TMEM117: variants seen among roughly 807,000 people sequenced by gnomAD.
TMEM117 encodes transmembrane protein 117.
In TMEM117, 27 loss-of-function variants were observed where a neutral mutation model predicts 52.4. That is an observed-to-expected ratio of 0.51 (90% CI 0.38 to 0.71). TMEM117 has a LOEUF of 0.71. Ranked by LOEUF, TMEM117 falls within the 30% of genes least tolerant of loss-of-function variation. The probability of loss-of-function intolerance (pLI) is 0.00; values close to 1 mark genes in which losing one functional copy is unlikely to be tolerated. For synonymous variants in TMEM117, 215 were observed against 206.3 expected, an observed-to-expected ratio of 1.04 and a Z score of -0.36; for missense variants, 556 against 630.5, an observed-to-expected ratio of 0.88 and a Z score of 1.26.
chr12:43,923,676 GT>G (rs1400056460), intron 2 of TMEM117, among the ~76,000 whole-genome samples: 2 of 152,114 alleles, frequency 1.3e-5, no homozygotes, highest in Non-Finnish European at 2.9e-5. Context: ...ATTTGGTTAA[GT>G]AAAAATATAT....
intron 2 of TMEM117, among the ~76,000 whole-genome samples, chr12:43,879,682 A>G (rs1943862499): frequency 6.6e-6 from 1 of 152,160 alleles, no homozygotes; most frequent in Admixed American, 6.5e-5. Flanking sequence ...TATTTCATCA[A>G]TGTACATTGT....
intron 3 of TMEM117, among the ~76,000 whole-genome samples, chr12:43,950,723 AT>A (rs1316822856): frequency 4.0e-5 from 6 of 151,838 alleles, no homozygotes; most frequent in Non-Finnish European, 7.4e-5. Context: ...AACAGACAAA[AT>A]TTTTTTTCTC....
chr12:44,173,719 T>C (rs1949081307), intron 4 of TMEM117, among the ~76,000 whole-genome samples: 1 of 152,036 alleles, frequency 6.6e-6, no homozygotes, highest in Non-Finnish European at 1.5e-5. Flanking sequence ...AATACTTACT[T>C]TCATAAAATA....
At chr12:44,330,383 T>A (rs1241050648) in intron 6 of TMEM117, among the ~76,000 whole-genome samples, 1 of 152,056 alleles carries the variant, frequency 6.6e-6, no homozygotes, top group Non-Finnish European at 1.5e-5. Context: ...TGGAAATACA[T>A]TGTGAACTAC....
intron 6 of TMEM117, among the ~76,000 whole-genome samples, chr12:44,358,230 C>T (rs1951677629): frequency 6.6e-6 from 1 of 151,942 alleles, no homozygotes; most frequent in Non-Finnish European, 1.5e-5. Context: ...ATGCTCAGTA[C>T]TATGGTGACA....
At chr12:44,162,447 A>G (rs978088358) in intron 4 of TMEM117, among the ~76,000 whole-genome samples, 2 of 151,876 alleles carry the variant, frequency 1.3e-5, no homozygotes, top group African/African-American at 4.8e-5. Context: ...CAGTAAAACT[A>G]CTCCCTCATC....
At chr12:44,343,285 T>C (rs1051302096) in intron 6 of TMEM117, among the ~76,000 whole-genome samples, 6 of 151,832 alleles carry the variant, frequency 4.0e-5, no homozygotes, top group African/African-American at 1.5e-4. Flanking sequence ...GAAGTGGTGA[T>C]GAGAATATTT....
intron 2 of TMEM117, among the ~76,000 whole-genome samples, chr12:43,916,556 T>C (rs1944606493): frequency 1.3e-5 from 2 of 152,186 alleles, no homozygotes; most frequent in Non-Finnish European, 2.9e-5. Flanking sequence ...TAGTTGAACA[T>C]TTAGGATGTT....
At chr12:44,140,900 A>G (rs1948561675) in intron 3 of TMEM117, among the ~76,000 whole-genome samples, 1 of 152,034 alleles carries the variant, frequency 6.6e-6, no homozygotes, top group Non-Finnish European at 1.5e-5. Context: ...TTCCTGTACA[A>G]GTTCAGAAAG....
intron 6 of TMEM117, among the ~76,000 whole-genome samples, chr12:44,352,972 T>C (rs1210116564): frequency 2.6e-5 from 4 of 152,156 alleles, no homozygotes; most frequent in Non-Finnish European, 4.4e-5. Context: ...TTCCTGACTT[T>C]TTAATGATCG....
chr12:44,285,666 A>G (rs1046102938), intron 5 of TMEM117, among the ~76,000 whole-genome samples: 2 of 152,226 alleles, frequency 1.3e-5, no homozygotes, highest in Non-Finnish European at 1.5e-5. Flanking sequence ...GTAAACCCAC[A>G]TATTTCAGGA....
chr12:44,114,912 C>G (rs894713361), intron 3 of TMEM117, among the ~76,000 whole-genome samples: 7 of 152,156 alleles, frequency 4.6e-5, no homozygotes, highest in Non-Finnish European at 8.8e-5. Flanking sequence ...AAATCAGATA[C>G]AGGCTATGAA....
intron 3 of TMEM117, among the ~76,000 whole-genome samples, chr12:43,990,745 T>A (rs1346529787): frequency 6.6e-6 from 1 of 152,052 alleles, no homozygotes; most frequent in Non-Finnish European, 1.5e-5. Flanking sequence ...ACAAATGAGG[T>A]ACAGATGAAG....
chr12:44,344,794 C>G (rs1323294477), intron 6 of TMEM117, among the ~76,000 whole-genome samples: 1 of 151,970 alleles, frequency 6.6e-6, no homozygotes, highest in East Asian at 1.9e-4. Flanking sequence ...CTGCAGTGCT[C>G]CTCTCCTTTT....
intron 2 of TMEM117, among the ~76,000 whole-genome samples, chr12:43,864,214 C>T (rs1943542456): frequency 6.6e-6 from 1 of 152,206 alleles, no homozygotes; most frequent in African/African-American, 2.4e-5. Flanking sequence ...GCCTGAGCCT[C>T]CCCGACCAGC....
At chr12:43,865,482 A>C (rs1176982656) in intron 2 of TMEM117, among the ~76,000 whole-genome samples, 1 of 152,096 alleles carries the variant, frequency 6.6e-6, no homozygotes. Context: ...GGATCACTTG[A>C]GGTCAGGAGT....
chr12:43,984,989 C>T lies in TMEM117; in HGVS notation c.410+40647C>T, dbSNP rs969468371. ...AGTTCCTGTGTGATGGCTTTATTTG[C>T]AACTTCTCTCTTTGAGATTTTTTTT... On this transcript the variant is annotated intron_variant, in intron 3 of 7. Coordinates refer to ENST00000266534, the MANE Select transcript of TMEM117 (RefSeq NM_032256.3). Among the ~76,000 whole-genome samples the T allele has an allele frequency of 3.3e-5, 5 of 151,488 alleles. No homozygotes were observed. In the East Asian group the frequency reaches 7.7e-4, roughly 23 times the overall value.
chr12:44,256,243 G>A (rs1950259198), intron 5 of TMEM117, among the ~76,000 whole-genome samples: 1 of 151,634 alleles, frequency 6.6e-6, no homozygotes, highest in South Asian at 2.1e-4. Context: ...ACACATATGT[G>A]CATATAAAAC....
chr12:44,310,336 C>T (rs1380830908), intron 6 of TMEM117, among the ~76,000 whole-genome samples: 1 of 152,184 alleles, frequency 6.6e-6, no homozygotes, highest in Non-Finnish European at 1.5e-5. Context: ...TCACTGTTAT[C>T]TGATGATAAG....
Sources: gnomAD v4.1 joint callset for allele counts (sites outside exome capture counted in the v4.1 genomes callset) on GRCh38, gnomAD v4.1.1 for gene constraint, MANE v1.5 for transcripts, NCBI Gene and HGNC (gene_info 2026-07-23, HGNC 2026-07-21) for gene names.